Variants in HERC1 observed in about 807,000 individuals in gnomAD.
HERC1 encodes HECT and RLD domain containing E3 ubiquitin protein ligase family member 1.
Under a neutral mutation model 554.3 loss-of-function variants are expected in HERC1, and 160 were observed. The observed-to-expected ratio is 0.29, with a 90% CI of 0.25 to 0.33. The LOEUF is 0.33. HERC1 is among the 10% of genes least tolerant of loss of function. The pLI is 1.00. For missense variants in HERC1, 4,919 were observed against 5,918.5 expected (o/e 0.83, Z 5.54); for synonymous variants, 2,175 against 2,131.7 (o/e 1.02, Z -0.56).
rs116338011 is a variant in HERC1, at chr15:63,822,795, G to C, written c.-27+11032C>G. ...TGGTGGTTTAAACCAGAATAAGGCA[G>C]AGATGACAAAATGTGATCAGATTAG... On this transcript the variant is annotated intron_variant, in intron 1 of 77. Coordinates refer to ENST00000443617, the MANE Select transcript of HERC1 (RefSeq NM_003922.4). Among the ~76,000 whole-genome samples, 520 of 152,198 alleles carry C rather than the reference G, an allele frequency of 3.4e-3. 6 individuals carry two copies. The highest frequency in any genetic ancestry group is 0.012 in the African/African-American group (487 of 41,516).
At chr15:63,637,450 C>A in intron 64 of HERC1, 55 bp downstream of exon 64, 1 of 1,479,884 alleles carries the variant, frequency 6.8e-7, no homozygotes. Flanking sequence ...TTTGTACGAC[C>A]AAACCTACAT....
intron 1 of HERC1, among the ~76,000 whole-genome samples, chr15:63,824,212 T>A (rs1354624926): frequency 1.3e-5 from 2 of 152,152 alleles, no homozygotes; most frequent in Non-Finnish European, 2.9e-5. Flanking sequence ...GAACCGCCAT[T>A]ATGGAAAACA....
intron 1 of HERC1, among the ~76,000 whole-genome samples, chr15:63,802,048 A>G (rs1178277763): frequency 6.6e-6 from 1 of 152,212 alleles, no homozygotes; most frequent in African/African-American, 2.4e-5. Context: ...TCATAAGAGA[A>G]AGTGTCAATA....
At position 63,737,460 on chromosome 15, in the gene HERC1, T is replaced by C. The variant is rs1473983320; in HGVS notation, c.2521-2611A>G. Among the ~76,000 whole-genome samples, 14 of 116,616 alleles carry C rather than the reference T, an allele frequency of 1.2e-4. 1 individual carries two copies. Among genetic ancestry groups the C allele is most frequent in the African/African-American group, 4.8e-4 (14 of 29,404 alleles). 76.5% of individuals were successfully genotyped at this position (116,616 alleles called of 152,430 possible). ...TATATATATCTTTTTTCCAGATATA[T>C]ATATATATATCTTTTTTCCAGATAT... On this transcript the variant is annotated intron_variant, in intron 12 of 77. Transcript: ENST00000443617.
intron 44 of HERC1, among the ~76,000 whole-genome samples, chr15:63,662,716 C>A (rs540046934): frequency 6.6e-6 from 1 of 152,274 alleles, no homozygotes; most frequent in South Asian, 2.1e-4. Context: ...TTATCTTTGA[C>A]ATCAGAATCA....
At chr15:63,811,271 T>C (rs1359529440) in intron 1 of HERC1, among the ~76,000 whole-genome samples, 1 of 152,198 alleles carries the variant, frequency 6.6e-6, no homozygotes, top group East Asian at 1.9e-4. Context: ...AGAAGATACA[T>C]GCCAATGTAC....
chr15:63,750,215 A>G (rs753599659), intron 8 of HERC1, among the ~76,000 whole-genome samples: 4 of 152,248 alleles, frequency 2.6e-5, no homozygotes, highest in Non-Finnish European at 5.9e-5. Context: ...TATAAATCAC[A>G]AAACTGATGT....
intron 27 of HERC1, among the ~76,000 whole-genome samples, chr15:63,695,585 G>A (rs1014391657): frequency 4.6e-5 from 7 of 151,502 alleles, no homozygotes; most frequent in Non-Finnish European, 5.9e-5. Flanking sequence ...ACGGGGTTTC[G>A]CCATGTTGGC....
chr15:63,634,951 G>T, intron 65 of HERC1, 63 bp from the exon 66 acceptor site: 1 of 1,257,874 alleles, frequency 7.9e-7, no homozygotes, highest in Non-Finnish European at 1.1e-6. Flanking sequence ...AAGTAAATCT[G>T]CCATTTTTGG....
chr15:63,796,141 AG>A (rs1029577487), intron 1 of HERC1, among the ~76,000 whole-genome samples: 3 of 152,244 alleles, frequency 2.0e-5, no homozygotes, highest in African/African-American at 7.2e-5. Context: ...CTAGTTAAAT[AG>A]GGAGGAAAAT....
At chr15:63,660,868 A>T in intron 46 of HERC1, 105 bp downstream of exon 46, 1 of 707,058 alleles carries the variant, frequency 1.4e-6, no homozygotes, top group Non-Finnish European at 2.5e-6. Flanking sequence ...CATGTACACA[A>T]ATACAAACAC....
At position 63,694,500 on chromosome 15, in the gene HERC1, A is replaced by G; in HGVS notation, c.5292T>C (p.His1764=). The change falls in exon 29 of 78, where the codon CAT becomes CAC. Residue 1764 remains histidine (H), a synonymous_variant. Coordinates refer to ENST00000443617, the MANE Select transcript of HERC1 (RefSeq NM_003922.4). The surrounding 1 kb of genome is among the most constrained non-coding windows in gnomAD (Gnocchi z 4.3). ...LLVTVFALSV[H]YQPVDVSLAI... ...CCAAAGAAACATCTACTGGTTGATAATGAACACTTAGGGCAAAAACTGTAA... is the reference window on the plus strand; with the variant it reads ...CCAAAGAAACATCTACTGGTTGATAGTGAACACTTAGGGCAAAAACTGTAA... 1 of 1,614,084 alleles carries G rather than the reference A, an allele frequency of 6.2e-7. No homozygotes were observed.
intron 1 of HERC1, among the ~76,000 whole-genome samples, chr15:63,792,930 C>T (rs987447459): frequency 6.6e-5 from 10 of 152,314 alleles, no homozygotes; most frequent in Admixed American, 2.6e-4. Flanking sequence ...GTTCCCACAC[C>T]GCACTCCTGG....
intron 74 of HERC1, among the ~76,000 whole-genome samples, chr15:63,619,929 T>A (rs375108021): frequency 6.6e-6 from 1 of 152,218 alleles, no homozygotes; most frequent in Admixed American, 6.5e-5. Context: ...ATTTTGTTGA[T>A]CTTTTCAAAA....
chr15:63,788,884 A>G (rs1243858815), intron 1 of HERC1, among the ~76,000 whole-genome samples: 3 of 151,622 alleles, frequency 2.0e-5, no homozygotes, highest in Non-Finnish European at 4.4e-5. Flanking sequence ...CAAAAAAAAA[A>G]AAAAAAAAAT....
In HERC1 at chr15:63,713,047, A is replaced by C. The variant is rs16947389; in HGVS notation, c.4464-152T>G. Among the ~76,000 whole-genome samples the C allele has an allele frequency of 0.025, 3,792 of 152,344 alleles. 149 individuals carry two copies. The highest frequency in any genetic ancestry group is 0.088 in the African/African-American group (3,646 of 41,580). ...TCCTGACTCTTGTCTGAGCACAAAGACCTTCTCAAAATAATTTGCATGTCA... is the reference window on the plus strand; with the variant it reads ...TCCTGACTCTTGTCTGAGCACAAAGCCCTTCTCAAAATAATTTGCATGTCA... On this transcript the variant is annotated intron_variant, in intron 23 of 77. Coordinates refer to ENST00000443617, the MANE Select transcript of HERC1 (RefSeq NM_003922.4).
At position 63,641,573 on chromosome 15, in the gene HERC1, G is replaced by A. The variant is rs372198548; in HGVS notation, c.11504C>T (p.Ala3835Val). The part of the protein sequence containing the change: ...ANHVLATCRT[A>V]LKQQGVLGLN... ...TCCCAGAACACCCTGCTGTTTCAATGCTGTCCTACAGGTTGCCAAAACATG... is the reference window on the plus strand; with the variant it reads ...TCCCAGAACACCCTGCTGTTTCAATACTGTCCTACAGGTTGCCAAAACATG... Residue 3835 changes from alanine (A) to valine (V), a missense_variant, in exon 60 of 78, where the codon GCA becomes GTA. By Grantham distance (64) the Ala-to-Val change is moderately conservative. Coordinates refer to ENST00000443617, the MANE Select transcript of HERC1 (RefSeq NM_003922.4). The A allele has an allele frequency of 3.1e-6, 5 of 1,606,274 alleles. No individual in the cohort carries two copies. The African/African-American group carries it at 4.0e-5, about 13-fold the overall frequency.
chr15:63,755,412 A>C, intron 5 of HERC1, 87 bp from the exon 6 acceptor site: 1 of 1,005,568 alleles, frequency 9.9e-7, no homozygotes. Flanking sequence ...GACTTCACAG[A>C]TACTAATATT....
intron 1 of HERC1, among the ~76,000 whole-genome samples, chr15:63,813,259 C>A (rs544923879): frequency 6.6e-6 from 1 of 151,852 alleles, no homozygotes; most frequent in South Asian, 2.1e-4. Context: ...TTTTACAACA[C>A]AACAGGTTCT....
Sources: gnomAD v4.1 joint callset for allele counts (sites outside exome capture counted in the v4.1 genomes callset) on GRCh38, gnomAD v4.1.1 for gene constraint, Gnocchi (gnomAD v3.1) non-coding constraint, MANE v1.5 for transcripts, NCBI Gene and HGNC (gene_info 2026-07-23, HGNC 2026-07-21) for gene names.